MLIP: variants seen among roughly 807,000 people sequenced by gnomAD.
MLIP encodes muscular LMNA-interacting protein.
In MLIP, 79 loss-of-function variants were observed where a neutral mutation model predicts 84.8. That is an observed-to-expected ratio of 0.93 (90% CI 0.78 to 1.12). The LOEUF (loss-of-function observed/expected upper bound fraction) is 1.12. Ranked by LOEUF, MLIP falls within the 50% of genes most tolerant of loss-of-function variation. The pLI is 0.00. For missense variants in MLIP, 1,257 were observed against 1,160.6 expected, an observed-to-expected ratio of 1.08 and a Z score of -1.21; for synonymous variants, 504 against 463.0, an observed-to-expected ratio of 1.09 and a Z score of -1.14.
At chr6:54,134,875 C>CAT (rs1376946941) in intron 3 of MLIP, among the ~76,000 whole-genome samples, 1 of 151,920 alleles carries the variant, frequency 6.6e-6, no homozygotes, top group African/African-American at 2.4e-5. Flanking sequence ...CTATTCCAGG[C>CAT]ATAGTACAAC....
At chr6:54,167,869 C>T (rs1775356209) in intron 8 of MLIP, among the ~76,000 whole-genome samples, 1 of 151,734 alleles carries the variant, frequency 6.6e-6, no homozygotes, top group Admixed American at 6.6e-5. Flanking sequence ...GGGGCTCAAT[C>T]TGTTTTTGGC....
rs76704480 is a variant in MLIP, at chr6:54,231,083, T to A, written c.2922+166T>A. Among the ~76,000 whole-genome samples the A allele has an allele frequency of 8.2e-3, 1,249 of 152,308 alleles. 19 individuals are homozygous for A. The highest frequency in any genetic ancestry group is 0.028 in the African/African-American group (1,170 of 41,556). On this transcript the variant is annotated intron_variant, in intron 12 of 13. Transcript: ENST00000502396. ...ATTTGTGTGAAAGCACATTACCTTATAAGCAGATAATAATTGAACTTGGGA... is the reference window on the plus strand; with the variant it reads ...ATTTGTGTGAAAGCACATTACCTTAAAAGCAGATAATAATTGAACTTGGGA...
intron 1 of MLIP, among the ~76,000 whole-genome samples, chr6:54,026,058 G>A (rs1481956639): frequency 1.3e-5 from 2 of 152,154 alleles, no homozygotes; most frequent in Admixed American, 6.6e-5. Flanking sequence ...GTAAGCATCC[G>A]TCAGCTGGAA....
chr6:54,131,507 C>T (rs189518460), intron 3 of MLIP, among the ~76,000 whole-genome samples: 246 of 152,218 alleles, frequency 1.6e-3, no homozygotes, highest in African/African-American at 5.6e-3. Context: ...TCACCTCTGT[C>T]ATATTCTATC....
chr6:54,124,134 C>T (rs1770702568), intron 2 of MLIP, among the ~76,000 whole-genome samples: 2 of 152,124 alleles, frequency 1.3e-5, no homozygotes, highest in Non-Finnish European at 2.9e-5. Context: ...TAAACCCTTG[C>T]CCAATCCCCA....
At chr6:54,160,844 A>G in intron 8 of MLIP, 45 bp downstream of exon 8, 1 of 1,513,600 alleles carries the variant, frequency 6.6e-7, no homozygotes, top group Non-Finnish European at 9.1e-7. Flanking sequence ...AAGATTTATT[A>G]GATCAATGAT....
intron 10 of MLIP, among the ~76,000 whole-genome samples, chr6:54,199,627 GAT>G (rs1778535866): frequency 6.6e-6 from 1 of 152,066 alleles, no homozygotes; most frequent in African/African-American, 2.4e-5. Context: ...ACTAGGGTTA[GAT>G]TTTTAACTGG....
chr6:54,189,231 A>G (rs1777687274), intron 9 of MLIP, among the ~76,000 whole-genome samples: 1 of 152,210 alleles, frequency 6.6e-6, no homozygotes, highest in African/African-American at 2.4e-5. Context: ...TGCACTTACA[A>G]ACATGTTCAA....
At chr6:54,072,210 T>C (rs79875072) in intron 1 of MLIP, among the ~76,000 whole-genome samples, 1,637 of 152,260 alleles carry the variant, frequency 0.011, 27 homozygotes, top group African/African-American at 0.038. Context: ...AATGCAGTTT[T>C]CACATCCTGA....
At chr6:54,131,847 G>C (rs1299926794) in intron 3 of MLIP, among the ~76,000 whole-genome samples, 1 of 152,174 alleles carries the variant, frequency 6.6e-6, no homozygotes, top group African/African-American at 2.4e-5. Flanking sequence ...AATTTGGGCT[G>C]TTTTCAGCTA....
chr6:54,215,511 T>C, intron 11 of MLIP: 1 of 579,096 alleles, frequency 1.7e-6, no homozygotes, highest in Non-Finnish European at 2.4e-6. Context: ...ATTTAAGGTG[T>C]AAAATGTGAT....
chr6:54,185,160 G>A (rs922639778), intron 9 of MLIP, among the ~76,000 whole-genome samples: 14 of 152,108 alleles, frequency 9.2e-5, no homozygotes, highest in Admixed American at 2.0e-4. Context: ...CTAATAAACA[G>A]CATTAACCTG....
rs534280023 is a variant in MLIP, at chr6:54,124,732, G to A, written c.512G>A (p.Arg171Gln). The A allele has an allele frequency of 6.8e-6, 11 of 1,614,058 alleles. No individual in the cohort carries two copies. In the Admixed American group the frequency reaches 1.0e-4, roughly 15 times the overall value. ...PPGGIGTAAV[R>Q]PKSLAISSSL... ...GGGGGGATTGGCACCGCAGCTGTCC[G>A]GCCCAAGTCTCTAGCTATCTCGTCC... The change falls in exon 3 of 14, where the codon CGG (arginine) becomes CAG (glutamine). Residue 171 changes from arginine (R) to glutamine (Q), a missense_variant. Coordinates refer to ENST00000502396, the MANE Select transcript of MLIP (RefSeq NM_001281747.2).
chr6:54,053,254 A>G lies in MLIP; in HGVS notation c.63+34163A>G, dbSNP rs141901735. The stretch of plus-strand genomic sequence containing the variant: ...TGTGGAATTCCCATTTTGTAGTTCA[A>G]AACAGTCAAAATGTCAGCTATTTCA... On this transcript the variant is annotated intron_variant, in intron 1 of 12. Transcript: ENST00000274897. Among the ~76,000 whole-genome samples, 618 of 152,326 alleles carry G rather than the reference A, an allele frequency of 4.1e-3. 2 individuals are homozygous for G. The highest frequency in any genetic ancestry group is 6.3e-3 in the Non-Finnish European group (427 of 68,020).
intron 13 of MLIP, among the ~76,000 whole-genome samples, chr6:54,262,928 A>C (rs1037929577): frequency 6.6e-6 from 1 of 152,202 alleles, no homozygotes; most frequent in African/African-American, 2.4e-5. Context: ...GTTCTGAAGT[A>C]GCCAATAAAA....
intron 1 of MLIP, among the ~76,000 whole-genome samples, chr6:54,059,648 G>A (rs1765851935): frequency 6.6e-6 from 1 of 152,062 alleles, no homozygotes; most frequent in African/African-American, 2.4e-5. Context: ...GAACAACCCT[G>A]GATTCACGAA....
At chr6:54,250,940 C>T (rs1029877419) in intron 12 of MLIP, among the ~76,000 whole-genome samples, 1 of 152,008 alleles carries the variant, frequency 6.6e-6, no homozygotes, top group African/African-American at 2.4e-5. Context: ...TGTGTTTGGA[C>T]TTATATATTC....
In MLIP at chr6:54,140,604, T is replaced by A. The variant is rs188593898; in HGVS notation, c.2217+2318T>A. On this transcript the variant is annotated intron_variant, in intron 4 of 13. Coordinates refer to ENST00000502396, the MANE Select transcript of MLIP (RefSeq NM_001281747.2). ...TAGAATAGTATGGACTATGAGACAA[T>A]GCTATTCTTTTTCATGTTTATTTTC... Among the ~76,000 whole-genome samples, 5 of 152,154 alleles carry A rather than the reference T, an allele frequency of 3.3e-5. No individual in the cohort carries two copies. The South Asian group carries it at 1.0e-3, about 32-fold the overall frequency.
At chr6:54,075,060 C>A (rs1433679795) in intron 1 of MLIP, among the ~76,000 whole-genome samples, 5 of 151,886 alleles carry the variant, frequency 3.3e-5, no homozygotes, top group Non-Finnish European at 5.9e-5. Flanking sequence ...CCAGCCTGAC[C>A]AACATGGAGA....
Sources: allele counts gnomAD v4.1 joint callset (sites outside exome capture counted in the v4.1 genomes callset), GRCh38; gene constraint gnomAD v4.1.1; transcripts MANE v1.5; gene names NCBI Gene and HGNC (gene_info 2026-07-23, HGNC 2026-07-21).